Variants in ZDHHC21 observed in about 807,000 individuals in gnomAD.
ZDHHC21 encodes the protein zDHHC palmitoyltransferase 21, also known as palmitoyltransferase ZDHHC21.
A neutral mutation model predicts 34.6 loss-of-function variants in ZDHHC21; 15 were observed. That is an observed-to-expected ratio of 0.43 (90% CI 0.29 to 0.67). The LOEUF is 0.67. Ranked by LOEUF, ZDHHC21 falls within the 30% of genes least tolerant of loss-of-function variation. The pLI, the probability that ZDHHC21 is intolerant of heterozygous loss-of-function variation, is 0.14. For missense variants in ZDHHC21, 344 were observed against 327.7 expected, an observed-to-expected ratio of 1.05 and a Z score of -0.38; for synonymous variants, 142 against 101.8, an observed-to-expected ratio of 1.40 and a Z score of -2.38.
rs1052893362 is a variant in ZDHHC21 at position 14,614,338 on chromosome 9, T to G, written c.*4628A>C. 1 of 151,724 alleles carries G rather than the reference T, an allele frequency of 6.6e-6. No homozygotes were observed. The highest frequency in any genetic ancestry group is 2.1e-4 in the South Asian group (1 of 4,830). The allele number at this position is 151,724 out of a possible 1,614,324, so 9.4% of individuals were successfully genotyped here. ...TACCATTGTTATTTCTGTTTCAAATTAGCAGGCAGTATTGTAACATCTGAA... is the reference window on the plus strand; with the variant it reads ...TACCATTGTTATTTCTGTTTCAAATGAGCAGGCAGTATTGTAACATCTGAA... On this transcript the variant is annotated 3_prime_UTR_variant, in exon 10 of 10. Transcript: ENST00000380916.
the ZDHHC21 span, among the ~76,000 whole-genome samples, chr9:14,593,328 C>T: frequency 6.6e-6 from 1 of 152,030 alleles, no homozygotes; most frequent in African/African-American, 2.4e-5. Flanking sequence ...ACTGACACTA[C>T]AAAAATTGAA....
At chr9:14,622,362 T>G (rs1160745380) in intron 8 of ZDHHC21, among the ~76,000 whole-genome samples, 1 of 151,842 alleles carries the variant, frequency 6.6e-6, no homozygotes, top group Non-Finnish European at 1.5e-5. Flanking sequence ...AAAAATTATG[T>G]TGACTATTAC....
rs771862549 is a variant in ZDHHC21 at position 14,662,181 on chromosome 9, CCT to C, written c.365+32_365+33del. On this transcript the variant is annotated intron_variant, in intron 6 of 9. Transcript: ENST00000380916. The stretch of plus-strand genomic sequence containing the variant: ...TAAGATTTACATTTTATTACCCACC[CCT>C]CTTTTCTTTGCTAGAAGTGAATTAT... The C allele has an allele frequency of 2.7e-6, 4 of 1,462,290 alleles. No individual in the cohort carries two copies. The South Asian group carries it at 5.0e-5, about 18-fold the overall frequency. The allele number at this position is 1,462,290 out of a possible 1,614,324, so 90.6% of individuals were successfully genotyped here.
chr9:14,622,964 A>G (rs1383563261), intron 8 of ZDHHC21, among the ~76,000 whole-genome samples: 3 of 152,036 alleles, frequency 2.0e-5, no homozygotes, highest in Non-Finnish European at 4.4e-5. Flanking sequence ...GTAGTTACCT[A>G]ATGACTCTAT....
chr9:14,598,879 C>T, the ZDHHC21 span, among the ~76,000 whole-genome samples: 1 of 152,090 alleles, frequency 6.6e-6, no homozygotes, highest in Non-Finnish European at 1.5e-5. Context: ...CTCCAGTCTC[C>T]CAAGTAGCTG....
At position 14,612,729 on chromosome 9, in the gene ZDHHC21, T is replaced by A. The variant is rs1202588903; in HGVS notation, c.*6237A>T. 6.6e-6 allele frequency: 1 copy of A among 151,216 alleles called. No homozygotes were observed. The highest frequency in any genetic ancestry group is 1.5e-5 in the Non-Finnish European group (1 of 67,654). 9.4% of individuals were successfully genotyped at this position (151,216 alleles called of 1,614,324 possible). ...GTCTGTCTGTCTCTCCGTATCTCTC[T>A]CTCTATATATCTACACACACATATG... On this transcript the variant is annotated 3_prime_UTR_variant, in exon 10 of 10. Coordinates refer to ENST00000380916, the MANE Select transcript of ZDHHC21 (RefSeq NM_178566.6).
chr9:14,675,311 T>C (rs890352144), intron 3 of ZDHHC21, among the ~76,000 whole-genome samples: 6 of 151,904 alleles, frequency 3.9e-5, no homozygotes, highest in Non-Finnish European at 7.4e-5. Context: ...GTCTAGGGGG[T>C]ACCTTTTACG....
At chr9:14,672,718 C>G in intron 5 of ZDHHC21, 112 bp downstream of exon 5, 1 of 687,438 alleles carries the variant, frequency 1.5e-6, no homozygotes, top group Non-Finnish European at 2.3e-6. Context: ...GCAAAGACAT[C>G]AAAGTGGTGT....
intron 7 of ZDHHC21, among the ~76,000 whole-genome samples, chr9:14,649,731 T>A (rs1197600726): frequency 1.3e-5 from 2 of 152,108 alleles, no homozygotes; most frequent in Non-Finnish European, 2.9e-5. Flanking sequence ...TTACAGAGCG[T>A]ATTTCACTAG....
chr9:14,607,237 C>A (rs530996367), downstream of ZDHHC21, among the ~76,000 whole-genome samples: 1 of 152,100 alleles, frequency 6.6e-6, no homozygotes, highest in East Asian at 1.9e-4. Context: ...TGCTTGAGCT[C>A]AGGAGTTGCA....
chr9:14,644,458 A>G (rs1829935810), intron 7 of ZDHHC21, among the ~76,000 whole-genome samples: 1 of 152,024 alleles, frequency 6.6e-6, no homozygotes, highest in African/African-American at 2.4e-5. Flanking sequence ...CCTGGAGGGA[A>G]GAAGTCAACA....
At chr9:14,664,060 C>G (rs1037799571) in intron 5 of ZDHHC21, among the ~76,000 whole-genome samples, 4 of 152,134 alleles carry the variant, frequency 2.6e-5, no homozygotes, top group Non-Finnish European at 4.4e-5. Flanking sequence ...GTGAGCGACG[C>G]AGAAGACGGG....
downstream of ZDHHC21, among the ~76,000 whole-genome samples, chr9:14,607,991 C>T (rs1322506336): frequency 4.6e-5 from 7 of 152,116 alleles, no homozygotes; most frequent in South Asian, 2.1e-4. Context: ...GGTACTTTTC[C>T]GTGATGAGAA....
At chr9:14,599,137 G>C in the ZDHHC21 span, among the ~76,000 whole-genome samples, 1 of 152,212 alleles carries the variant, frequency 6.6e-6, no homozygotes, top group Non-Finnish European at 1.5e-5. Flanking sequence ...CATGTAAGAA[G>C]TGCCTTTATG....
intron 8 of ZDHHC21, among the ~76,000 whole-genome samples, chr9:14,623,645 G>A (rs1375864162): frequency 7.5e-4 from 93 of 123,268 alleles, no homozygotes; most frequent in East Asian, 9.4e-4. Context: ...CAACTCAACA[G>A]AAAAAAAAAA....
intron 5 of ZDHHC21, among the ~76,000 whole-genome samples, chr9:14,669,831 A>T (rs1271855658): frequency 7.7e-6 from 1 of 130,718 alleles, no homozygotes; most frequent in African/African-American, 2.9e-5. Context: ...AGGAAGGGGA[A>T]TATCACACTC....
Position 14,613,634 on chromosome 9 carries a change from A to G in ZDHHC21, c.*5332T>C, listed in dbSNP as rs1298969049. 1 of 151,864 alleles carries G rather than the reference A, an allele frequency of 6.6e-6. No homozygotes were observed. The highest frequency in any genetic ancestry group is 1.5e-5 in the Non-Finnish European group (1 of 67,808). The allele number at this position is 151,864 out of a possible 1,614,324, so 9.4% of individuals were successfully genotyped here. ...AAATCAGTGTTGAACTGTTATAAGA[A>G]CGACATTACATGTTACAGATATTCA... On this transcript the variant is annotated 3_prime_UTR_variant, in exon 10 of 10. Coordinates refer to ENST00000380916, the MANE Select transcript of ZDHHC21 (RefSeq NM_178566.6).
the ZDHHC21 span, chr9:14,589,460 T>G: frequency 1.3e-5 from 2 of 152,024 alleles, no homozygotes; most frequent in Non-Finnish European, 2.9e-5. Context: ...CCAAGCAGAG[T>G]AGTAGTTTCA....
rs1034729676 is a variant in ZDHHC21 at position 14,668,634 on chromosome 9, G to A, written c.253+4196C>T. Among the ~76,000 whole-genome samples the A allele has an allele frequency of 4.6e-5, 7 of 151,634 alleles. No homozygotes were observed. In the East Asian group the frequency reaches 1.4e-3, roughly 29 times the overall value. On this transcript the variant is annotated intron_variant, in intron 5 of 9. Coordinates refer to ENST00000380916, the MANE Select transcript of ZDHHC21 (RefSeq NM_178566.6). ...AGGCTACAGTAACCAAAACAGCATG[G>A]TACTGGTACCAAAACAGAGATATAG... is the stretch of plus-strand genomic sequence containing the variant.
Sources: gnomAD v4.1 joint callset for allele counts (sites outside exome capture counted in the v4.1 genomes callset) on GRCh38, gnomAD v4.1.1 for gene constraint, MANE v1.5 for transcripts, NCBI Gene and HGNC (gene_info 2026-07-23, HGNC 2026-07-21) for gene names.